Variants in MKNK1 observed in about 807,000 individuals in gnomAD.
The protein encoded by MKNK1 is MAP kinase-interacting serine/threonine-protein kinase 1.
A neutral mutation model predicts 49.3 loss-of-function variants in MKNK1; 30 were observed. The observed-to-expected ratio is 0.61, with a 90% CI of 0.46 to 0.83. MKNK1 has a LOEUF of 0.83. Ranked by LOEUF, MKNK1 falls within the 40% of genes least tolerant of loss-of-function variation. The pLI is 0.00. For missense variants in MKNK1, 423 were observed against 524.7 expected (o/e 0.81, Z 1.89); for synonymous variants, 176 against 201.7 (o/e 0.87, Z 1.08).
In MKNK1 at chr1:46,562,696, C is replaced by T. The variant is rs770756177; in HGVS notation, c.757G>A (p.Gly253Arg). 29 of 1,571,626 alleles carry T rather than the reference C, an allele frequency of 1.8e-5. No individual in the cohort carries two copies. The highest frequency in any genetic ancestry group is 3.7e-5 in the Admixed American group (2 of 53,460). Residue 253 changes from glycine to arginine, a missense_variant, in exon 10 of 13, where the codon GGG becomes AGG. Physicochemically the swap from Gly to Arg is moderately radical, Grantham distance 125 (BLOSUM62 -2). Transcript: ENST00000371945. The part of the protein sequence containing the change: ...SGYPPFVGHC[G>R]ADCGWDRGEV... ...CCCCGGTCCCAGCCACAGTCGGCCC[C>T]GCAGTGACCCACGAAGGGTGGGTAG...
At chr1:46,601,419 G>A (rs891176975) in intron 1 of MKNK1, among the ~76,000 whole-genome samples, 1 of 152,236 alleles carries the variant, frequency 6.6e-6, no homozygotes, top group Non-Finnish European at 1.5e-5. Flanking sequence ...AGGAACCACT[G>A]TTTCCCAAGG....
At chr1:46,567,875 C>G (rs1017165223) in intron 8 of MKNK1, among the ~76,000 whole-genome samples, 3 of 152,220 alleles carry the variant, frequency 2.0e-5, no homozygotes, top group African/African-American at 4.8e-5. Context: ...AATCCCAGTA[C>G]TTTGGAAAGC....
At chr1:46,563,872 C>T (rs955926375) in intron 9 of MKNK1, among the ~76,000 whole-genome samples, 1 of 144,892 alleles carries the variant, frequency 6.9e-6, no homozygotes, top group African/African-American at 2.6e-5. Context: ...GGTGAAACCC[C>T]GTCTCTACTA....
At position 46,604,233 on chromosome 1, in the gene MKNK1, A is replaced by C. The variant is rs1675120050; in HGVS notation, c.-219T>G. ...CGGTCGCGCGCACCCCTACCTGCAG[A>C]TCGCTCCTCCGAGAACGCGGAAGAG... On this transcript the variant is annotated 5_prime_UTR_variant, in exon 1 of 13. Transcript: ENST00000371945. The C allele has an allele frequency of 1.3e-5, 2 of 152,118 alleles. No homozygotes were observed. The highest frequency in any genetic ancestry group is 2.4e-5 in the African/African-American group (1 of 41,402). The allele number at this position is 152,118 out of a possible 1,614,324, so 9.4% of individuals were successfully genotyped here.
intron 2 of MKNK1, among the ~76,000 whole-genome samples, chr1:46,584,160 A>G (rs1447478031): frequency 6.6e-6 from 1 of 152,256 alleles, no homozygotes; most frequent in African/African-American, 2.4e-5. Flanking sequence ...AATAAGCAGG[A>G]CACTGAGATA....
intron 7 of MKNK1, 66 bp downstream of exon 7, chr1:46,571,996 AC>A (rs1238603676): frequency 6.9e-7 from 1 of 1,452,878 alleles, no homozygotes; most frequent in Non-Finnish European, 9.7e-7. Flanking sequence ...TGCCTGGCCT[AC>A]CACCTCCCTT....
At position 46,594,183 on chromosome 1, in the gene MKNK1, G is replaced by C. The variant is rs779522222; in HGVS notation, c.-73C>G. ...AAATCCCAAATGAAATAAAGCTCCT[G>C]TCAGGAAGTTGGTGTCTTCCAGCTA... On this transcript the variant is annotated 5_prime_UTR_variant, in exon 2 of 13. Transcript: ENST00000371945. The C allele has an allele frequency of 6.3e-6, 10 of 1,593,584 alleles. No homozygotes were observed. Among genetic ancestry groups the C allele is most frequent in the African/African-American group, 1.3e-5 (1 of 74,536 alleles).
intron 12 of MKNK1, among the ~76,000 whole-genome samples, 170 bp downstream of exon 12, chr1:46,560,064 G>A (rs1667663676): frequency 6.6e-6 from 1 of 152,116 alleles, no homozygotes; most frequent in African/African-American, 2.4e-5. Flanking sequence ...GGAAGGGAAG[G>A]GTGGGAGATA....
At chr1:46,581,584 T>C (rs535917878) in intron 3 of MKNK1, among the ~76,000 whole-genome samples, 1 of 151,898 alleles carries the variant, frequency 6.6e-6, no homozygotes, top group African/African-American at 2.4e-5. Context: ...GTGGTATGAT[T>C]TGAATGAATA....
intron 1 of MKNK1, among the ~76,000 whole-genome samples, chr1:46,596,127 T>A (rs1416669867): frequency 1.3e-5 from 2 of 152,232 alleles, no homozygotes; most frequent in Non-Finnish European, 2.9e-5. Flanking sequence ...TGGTAGGAGT[T>A]GGCAATTTTT....
chr1:46,598,336 C>A (rs1389824008), intron 1 of MKNK1, among the ~76,000 whole-genome samples: 1 of 152,098 alleles, frequency 6.6e-6, no homozygotes, highest in Non-Finnish European at 1.5e-5. Context: ...GTAAGATTTT[C>A]TAACGAGCCA....
intron 1 of MKNK1, among the ~76,000 whole-genome samples, chr1:46,595,963 G>T (rs1485272831): frequency 2.6e-5 from 4 of 152,174 alleles, no homozygotes; most frequent in Admixed American, 2.6e-4. Context: ...GCCCAGGCTG[G>T]TATTGAGCTC....
intron 7 of MKNK1, chr1:46,571,645 A>C (rs1454087695): frequency 8.5e-6 from 3 of 353,658 alleles, no homozygotes; most frequent in Non-Finnish European, 1.6e-5. Flanking sequence ...AAAGAGACAG[A>C]GGTGATGTAT....
Position 46,571,141 on chromosome 1 carries a change from G to C in MKNK1, c.457+922C>G, listed in dbSNP as rs112730041. ...GATTTAATTCACTACAAAAGTTCCT[G>C]AATAATCAGTCATAGGAAAGGGGCT... On this transcript the variant is annotated intron_variant, in intron 7 of 12. Coordinates refer to ENST00000371945, the MANE Select transcript of MKNK1 (RefSeq NM_001135553.4). Among the ~76,000 whole-genome samples the C allele has an allele frequency of 1.9e-4, 29 of 152,336 alleles. 1 individual carries two copies. The highest frequency in any genetic ancestry group is 6.3e-4 in the African/African-American group (26 of 41,566).
chr1:46,588,794 C>G (rs1204690870), intron 2 of MKNK1, among the ~76,000 whole-genome samples: 6 of 139,958 alleles, frequency 4.3e-5, no homozygotes, highest in Non-Finnish European at 7.5e-5. Flanking sequence ...GGCGACAGAG[C>G]GAGACTCCGT....
At chr1:46,558,863 C>T (rs1667427102) in intron 12 of MKNK1, 63 bp from the exon 13 acceptor site, 1 of 1,389,634 alleles carries the variant, frequency 7.2e-7, no homozygotes, top group East Asian at 2.3e-5. Context: ...CAGGCCAGCT[C>T]CGGGACACTC....
intron 8 of MKNK1, 116 bp downstream of exon 8, chr1:46,568,327 C>T (rs915508378): frequency 2.3e-5 from 20 of 887,340 alleles, no homozygotes; most frequent in South Asian, 2.0e-4. Context: ...ATGTCCAAGA[C>T]GATCAGTTCA....
Position 46,565,130 on chromosome 1 carries a change from G to A in MKNK1, c.520C>T (p.Pro174Ser). The A allele has an allele frequency of 6.2e-7, 1 of 1,614,104 alleles. No individual in the cohort carries two copies. Among genetic ancestry groups the A allele is most frequent in the Non-Finnish European group, 8.5e-7 (1 of 1,179,972 alleles). Residue 174 changes from proline to serine, a missense_variant, in exon 9 of 13, where the codon CCA (proline) becomes TCA (serine). Pro to Ser is a moderately conservative substitution (Grantham distance 74). Transcript: ENST00000371945. ...ILCESPEKVS[P>S]VKICDFDLGS... ...AAGTCAAAGTCACAGATTTTCACTG[G>A]AGACACCTGAAAAGGAAAACAGAAG...
chr1:46,587,812 C>T (rs1283209362), intron 2 of MKNK1, among the ~76,000 whole-genome samples: 3 of 150,890 alleles, frequency 2.0e-5, no homozygotes, highest in Non-Finnish European at 2.9e-5. Context: ...AGTGAAACTC[C>T]GTCTCAAAAA....
Sources: allele counts gnomAD v4.1 joint callset (sites outside exome capture counted in the v4.1 genomes callset), GRCh38; gene constraint gnomAD v4.1.1; transcripts MANE v1.5; gene names NCBI Gene and HGNC (gene_info 2026-07-23, HGNC 2026-07-21).